Variants in SYN3 observed in about 807,000 individuals in gnomAD.
SYN3 encodes the protein synapsin-3.
A neutral mutation model predicts 65.8 loss-of-function variants in SYN3; 35 were observed. That is an observed-to-expected ratio of 0.53 (90% CI 0.41 to 0.70). The LOEUF is 0.70. Among genes scored for constraint, SYN3 ranks in the 30% least tolerant of loss-of-function variants. The pLI, the probability that SYN3 is intolerant of heterozygous loss-of-function variation, is 0.00. For missense variants in SYN3, 680 were observed against 749.0 expected (o/e 0.91, Z 1.08); for synonymous variants, 270 against 292.9 (o/e 0.92, Z 0.80).
chr22:32,973,710 C>T (rs2052093896), intron 3 of SYN3, among the ~76,000 whole-genome samples: 1 of 152,218 alleles, frequency 6.6e-6, no homozygotes, highest in African/African-American at 2.4e-5. Flanking sequence ...GGTTCAGATT[C>T]CTCCTCTATC....
chr22:32,990,407 GCCATCCAT>G (rs133923), intron 2 of SYN3, among the ~76,000 whole-genome samples: 9,674 of 144,658 alleles, frequency 0.067, 877 homozygotes, highest in African/African-American at 0.2. Flanking sequence ...CATCCATCCA[GCCATCCAT>G]CCATCCATCC....
intron 13 of SYN3, 39 bp downstream of exon 13, chr22:32,518,004 G>T: frequency 6.8e-7 from 1 of 1,475,842 alleles, no homozygotes; most frequent in Non-Finnish European, 9.0e-7. Context: ...CTACACCCCA[G>T]CTCTATCCTA....
At chr22:32,635,413 G>A (rs908585105) in intron 6 of SYN3, among the ~76,000 whole-genome samples, 2 of 152,192 alleles carry the variant, frequency 1.3e-5, no homozygotes, top group East Asian at 1.9e-4. Flanking sequence ...CATTCCCAGT[G>A]ACTATGATAC....
intron 6 of SYN3, among the ~76,000 whole-genome samples, chr22:32,732,761 T>C (rs1223911226): frequency 6.6e-6 from 1 of 152,236 alleles, no homozygotes; most frequent in Non-Finnish European, 1.5e-5. Context: ...ACCATGTTCA[T>C]TTACTTCACC....
rs550635817 is a variant in SYN3 at position 32,602,740 on chromosome 22, G to A, written c.712-6004C>T. Among the ~76,000 whole-genome samples the A allele has an allele frequency of 1.8e-4, 27 of 152,250 alleles. No individual in the cohort carries two copies. The South Asian group carries it at 2.7e-3, about 15-fold the overall frequency. On this transcript the variant is annotated intron_variant, in intron 6 of 13. Coordinates refer to ENST00000358763, the MANE Select transcript of SYN3 (RefSeq NM_003490.4). ...CTCCCAAAGTGCTGAGATTACAGGC[G>A]TCAGCTACCGCGCCCAGCCAATCCT...
At chr22:32,841,871 T>C (rs139683947) in intron 6 of SYN3, among the ~76,000 whole-genome samples, 3 of 151,994 alleles carry the variant, frequency 2.0e-5, no homozygotes, top group African/African-American at 7.2e-5. Flanking sequence ...AAAAAAAAAG[T>C]TCATGAGAGT....
intron 1 of SYN3, among the ~76,000 whole-genome samples, chr22:33,026,761 C>T (rs2053647102): frequency 6.6e-6 from 1 of 152,158 alleles, no homozygotes; most frequent in African/African-American, 2.4e-5. Context: ...GGAACCCACA[C>T]CCTAGCCATT....
At chr22:32,613,354 G>C (rs5754173) in intron 6 of SYN3, among the ~76,000 whole-genome samples, 13,314 of 152,144 alleles carry the variant, frequency 0.088, 800 homozygotes, top group East Asian at 0.28. Flanking sequence ...GGGTAGGAGA[G>C]AGAATTATCT....
intron 3 of SYN3, among the ~76,000 whole-genome samples, chr22:32,956,135 G>T (rs1449438797): frequency 2.4e-5 from 3 of 124,534 alleles, no homozygotes; most frequent in African/African-American, 6.3e-5. Context: ...TACAGAACCT[G>T]TCCCCCTCCC....
intron 6 of SYN3, among the ~76,000 whole-genome samples, chr22:32,727,270 A>G (rs2061209302): frequency 1.3e-5 from 2 of 152,176 alleles, no homozygotes; most frequent in African/African-American, 4.8e-5. Flanking sequence ...TAGTTTGCTG[A>G]GGATAATGGC....
Position 32,801,733 on chromosome 22 carries a change from C to G in SYN3, c.711+63182G>C. 1 of 217,970 alleles carries G rather than the reference C, an allele frequency of 4.6e-6. No homozygotes were observed. Among genetic ancestry groups the G allele is most frequent in the East Asian group, 1.1e-4 (1 of 8,706 alleles). The allele number at this position is 217,970 out of a possible 1,614,324, so 13.5% of individuals were successfully genotyped here. On this transcript the variant is annotated intron_variant, in intron 6 of 13. Transcript: ENST00000358763. This position sits in a 1 kb window ranked among gnomAD's most constrained non-coding sequence, Gnocchi z 4.7. ...GCGGGCAGCAGGCAGGCGGCGGGCG[C>G]TCAGACGGCTTCTCCTCCTCCTCTT...
intron 4 of SYN3, among the ~76,000 whole-genome samples, chr22:32,924,069 T>C (rs2050405805): frequency 6.6e-6 from 1 of 152,268 alleles, no homozygotes; most frequent in South Asian, 2.1e-4. Context: ...TACCACATTT[T>C]CTTTATCCAG....
At chr22:32,820,029 T>C (rs922344787) in intron 6 of SYN3, among the ~76,000 whole-genome samples, 2 of 152,118 alleles carry the variant, frequency 1.3e-5, no homozygotes, top group African/African-American at 4.8e-5. Flanking sequence ...AGGGGATTTT[T>C]TGGTGTGGGG....
Position 32,508,391 on chromosome 22 carries a change from C to A in SYN3, c.*5301G>T, listed in dbSNP as rs1018356374. ...CCTATAAAACGGCCCCATCCCTACT[C>A]CCTTTGCTGACTCTCTTTTCGGACT... is the stretch of plus-strand genomic sequence containing the variant. On this transcript the variant is annotated 3_prime_UTR_variant, in exon 14 of 14. Coordinates refer to ENST00000358763, the MANE Select transcript of SYN3 (RefSeq NM_003490.4). 5.3e-5 allele frequency among the ~76,000 whole-genome samples: 8 copies of A among 152,162 alleles called. No homozygotes were observed. Among genetic ancestry groups the A allele is most frequent in the African/African-American group, 1.7e-4 (7 of 41,428 alleles).
intron 6 of SYN3, chr22:32,857,958 T>C (rs2048418533): frequency 1.2e-6 from 2 of 1,613,508 alleles, no homozygotes; most frequent in East Asian, 2.2e-5. Context: ...GTGTGAATTC[T>C]CTCTGGGCTA....
At chr22:32,519,719 C>T (rs1163817309) in intron 12 of SYN3, 1 of 152,210 alleles carries the variant, frequency 6.6e-6, no homozygotes, top group African/African-American at 2.4e-5. Context: ...TTCTGGGTGT[C>T]AGGGCTGTTG....
chr22:32,863,426 T>G (rs1378650928), intron 6 of SYN3, among the ~76,000 whole-genome samples: 1 of 152,180 alleles, frequency 6.6e-6, no homozygotes, highest in Non-Finnish European at 1.5e-5. Flanking sequence ...CAAACAGCAG[T>G]CCTTGATGTC....
intron 1 of SYN3, among the ~76,000 whole-genome samples, chr22:33,042,438 G>A (rs1042711535): frequency 1.3e-4 from 20 of 152,282 alleles, no homozygotes; most frequent in African/African-American, 4.6e-4. Context: ...TTCATCATTT[G>A]TTTTCCCAGA....
chr22:33,004,755 T>C (rs1162891018), intron 2 of SYN3, among the ~76,000 whole-genome samples: 2 of 152,204 alleles, frequency 1.3e-5, no homozygotes, highest in Non-Finnish European at 2.9e-5. Flanking sequence ...ACTTGGACTT[T>C]TGGGTTAATG....
Sources: allele counts gnomAD v4.1 joint callset (sites outside exome capture counted in the v4.1 genomes callset), GRCh38; gene constraint gnomAD v4.1.1; non-coding constraint Gnocchi (gnomAD v3.1); transcripts MANE v1.5; gene names NCBI Gene and HGNC (gene_info 2026-07-23, HGNC 2026-07-21).